The following INO80 variants were observed in gnomAD, a reference collection of about 807,000 sequenced individuals.
INO80 encodes the protein chromatin-remodeling ATPase INO80.
In INO80, 20 loss-of-function variants were observed where a neutral mutation model predicts 203.4. That is an observed-to-expected ratio of 0.10 (90% CI 0.07 to 0.14). The LOEUF is 0.14. Among genes scored for constraint, INO80 ranks in the 10% least tolerant of loss-of-function variants. The probability of loss-of-function intolerance (pLI) is 1.00; values close to 1 mark genes in which losing one functional copy is unlikely to be tolerated. For missense variants in INO80, 1,419 were observed against 1,914.4 expected, an observed-to-expected ratio of 0.74 and a Z score of 4.83; for synonymous variants, 726 against 685.2, an observed-to-expected ratio of 1.06 and a Z score of -0.93.
At chr15:41,072,803 T>C (rs1266434797) in intron 11 of INO80, among the ~76,000 whole-genome samples, 2 of 150,736 alleles carry the variant, frequency 1.3e-5, no homozygotes, top group South Asian at 2.1e-4. Context: ...TTTTTTGAGA[T>C]GCAGTCTCAA....
At chr15:41,034,615 C>A (rs1318172976) in intron 24 of INO80, among the ~76,000 whole-genome samples, 2 of 152,162 alleles carry the variant, frequency 1.3e-5, no homozygotes, top group Admixed American at 1.3e-4. Flanking sequence ...GATGACAAAG[C>A]TGAATATGGG....
In INO80 at chr15:41,061,505, C is replaced by T. The variant is rs571148671; in HGVS notation, c.1783-1579G>A. 4.3e-4 allele frequency among the ~76,000 whole-genome samples: 64 copies of T among 147,190 alleles called. 1 individual carries two copies. The South Asian group carries it at 0.011, about 25-fold the overall frequency. On this transcript the variant is annotated intron_variant, in intron 14 of 35. Coordinates refer to ENST00000648947, the MANE Select transcript of INO80 (RefSeq NM_017553.3). ...AGGAGTGGTGGCACACACCTGTAGT[C>T]GCAACTATTCGGGAGGCTGAGGCAG...
Position 41,050,116 on chromosome 15 carries a change from A to G in INO80, c.2275-14T>C, listed in dbSNP as rs181016735. 17 of 1,583,376 alleles carry G rather than the reference A, an allele frequency of 1.1e-5. No individual in the cohort carries two copies. In the African/African-American group the frequency reaches 2.3e-4, roughly 21 times the overall value. ...TAGAATCTCAATCTAAAAATCAATA[A>G]GAACATTTATATTTGGAAAAGTAGT... is the stretch of plus-strand genomic sequence containing the variant. On this transcript the variant is annotated splice_polypyrimidine_tract_variant and intron_variant, in intron 19 of 35. Coordinates refer to ENST00000648947, the MANE Select transcript of INO80 (RefSeq NM_017553.3).
At chr15:41,096,968 C>T (rs1199063923) in intron 1 of INO80, among the ~76,000 whole-genome samples, 1 of 152,174 alleles carries the variant, frequency 6.6e-6, no homozygotes, top group Non-Finnish European at 1.5e-5. Flanking sequence ...ACAGGTATAG[C>T]CTAAGCATTC....
intron 14 of INO80, among the ~76,000 whole-genome samples, chr15:41,060,682 A>G (rs1411849357): frequency 6.6e-6 from 1 of 152,190 alleles, no homozygotes; most frequent in East Asian, 1.9e-4. Flanking sequence ...GGTAGTAGTA[A>G]CAGTAAATCA....
chr15:41,050,906 G>A lies in INO80; in HGVS notation c.2275-804C>T, dbSNP rs190514076. ...CCCAGGACTTTGGGAGGCCGAGGCA[G>A]GCAGATCACAGGTCAGGAGTTCAAG... On this transcript the variant is annotated intron_variant, in intron 19 of 35. Coordinates refer to ENST00000648947, the MANE Select transcript of INO80 (RefSeq NM_017553.3). Among the ~76,000 whole-genome samples, 405 of 152,188 alleles carry A rather than the reference G, an allele frequency of 2.7e-3. 3 individuals carry two copies. The highest frequency in any genetic ancestry group is 0.013 in the South Asian group (61 of 4,814).
chr15:41,035,189 C>G (rs1470214843), intron 24 of INO80, among the ~76,000 whole-genome samples: 1 of 152,184 alleles, frequency 6.6e-6, no homozygotes, highest in Non-Finnish European at 1.5e-5. Context: ...AAGCCAGAAT[C>G]TCAGAACAGG....
At chr15:41,023,419 G>C (rs2044325329) in intron 25 of INO80, 1 of 448,924 alleles carries the variant, frequency 2.2e-6, no homozygotes, top group Admixed American at 2.4e-5. Context: ...AATATGACCA[G>C]TTCTATATGT....
chr15:41,100,974 C>T (rs554714207), intron 1 of INO80, among the ~76,000 whole-genome samples: 167 of 151,876 alleles, frequency 1.1e-3, no homozygotes, highest in African/African-American at 3.8e-3. Context: ...GGACTACAGG[C>T]GCACCCCACC....
At chr15:40,986,941 C>G (rs1007896978) in intron 31 of INO80, 150 bp downstream of exon 31, 2 of 536,538 alleles carry the variant, frequency 3.7e-6, no homozygotes, top group African/African-American at 3.8e-5. Flanking sequence ...CCTACAAACA[C>G]ATTCTTGTTT....
At chr15:41,072,590 G>A (rs909505684) in intron 11 of INO80, among the ~76,000 whole-genome samples, 9 of 140,484 alleles carry the variant, frequency 6.4e-5, no homozygotes, top group African/African-American at 1.3e-4. Context: ...GTGGTGGTGC[G>A]CACCTGTAGT....
chr15:40,991,696 C>T (rs1017524207), intron 29 of INO80, among the ~76,000 whole-genome samples: 3 of 151,754 alleles, frequency 2.0e-5, no homozygotes, highest in African/African-American at 7.3e-5. Context: ...AGTTACCATG[C>T]GGTAGAGGGG....
At chr15:41,069,236 C>A (rs2045272950) in intron 14 of INO80, among the ~76,000 whole-genome samples, 1 of 151,952 alleles carries the variant, frequency 6.6e-6, no homozygotes, top group Admixed American at 6.6e-5. Flanking sequence ...CCTCCCCTCG[C>A]CCCCTCACCC....
chr15:41,027,753 C>T lies in INO80; in HGVS notation c.2908-17G>A. The T allele has an allele frequency of 1.3e-6, 2 of 1,534,794 alleles. No homozygotes were observed. Among genetic ancestry groups the T allele is most frequent in the Non-Finnish European group, 1.8e-6 (2 of 1,136,324 alleles). Reference sequence around the variant, plus strand: ...AACAAGAGACTGCAAAATAAAAATGCAAATGAATGCCAACTATAATTATGT... The same window carrying T: ...AACAAGAGACTGCAAAATAAAAATGTAAATGAATGCCAACTATAATTATGT... On this transcript the variant is annotated splice_polypyrimidine_tract_variant and intron_variant, in intron 24 of 35. Coordinates refer to ENST00000648947, the MANE Select transcript of INO80 (RefSeq NM_017553.3).
Position 40,980,094 on chromosome 15 carries a change from T to C in INO80, c.*129A>G. 1 of 778,016 alleles carries C rather than the reference T, an allele frequency of 1.3e-6. No homozygotes were observed. The allele number at this position is 778,016 out of a possible 1,614,324, so 48.2% of individuals were successfully genotyped here. On this transcript the variant is annotated 3_prime_UTR_variant, in exon 36 of 36. Transcript: ENST00000648947. Reference sequence around the variant, plus strand: ...CTCACACCATCCACCTGCCTGTCCTTCCCCTGCTGGACATTTCCACTTCTG... The same window carrying C: ...CTCACACCATCCACCTGCCTGTCCTCCCCCTGCTGGACATTTCCACTTCTG...
chr15:41,036,182 A>G (rs896065147), intron 24 of INO80, among the ~76,000 whole-genome samples: 2 of 149,474 alleles, frequency 1.3e-5, no homozygotes, highest in African/African-American at 4.9e-5. Context: ...AAAAAAAAAA[A>G]AAACCCAAAA....
At chr15:41,071,327 T>C (rs1275953892) in intron 12 of INO80, among the ~76,000 whole-genome samples, 1 of 152,198 alleles carries the variant, frequency 6.6e-6, no homozygotes, top group African/African-American at 2.4e-5. Flanking sequence ...ACATGTGCCA[T>C]GTTGGTGTGC....
intron 1 of INO80, among the ~76,000 whole-genome samples, chr15:41,099,636 G>GCT (rs530954322): frequency 2.0e-5 from 3 of 151,974 alleles, no homozygotes; most frequent in Non-Finnish European, 4.4e-5. Context: ...TTAAAAATTA[G>GCT]CTGAGTGTAG....
intron 29 of INO80, among the ~76,000 whole-genome samples, chr15:40,988,806 G>T (rs1344540469): frequency 6.6e-6 from 1 of 152,346 alleles, no homozygotes; most frequent in East Asian, 1.9e-4. Context: ...CTTGAGGTCA[G>T]GAGTTTGAGA....
Sources: gnomAD v4.1 joint callset for allele counts (sites outside exome capture counted in the v4.1 genomes callset) on GRCh38, gnomAD v4.1.1 for gene constraint, MANE v1.5 for transcripts, NCBI Gene and HGNC (gene_info 2026-07-23, HGNC 2026-07-21) for gene names.